TUBB6: variants seen among roughly 807,000 people sequenced by gnomAD.
The protein encoded by TUBB6 is tubulin beta-6 chain.
A neutral mutation model predicts 32.3 loss-of-function variants in TUBB6; 18 were observed. The observed-to-expected ratio is 0.56, with a 90% CI of 0.39 to 0.83. The LOEUF is 0.83. TUBB6 is among the 40% of genes least tolerant of loss of function. The pLI, the probability that TUBB6 is intolerant of heterozygous loss-of-function variation, is 0.00. For synonymous variants in TUBB6, 280 were observed against 265.8 expected (o/e 1.05, Z -0.52); for missense variants, 480 against 632.0 (o/e 0.76, Z 2.58).
Position 12,326,122 on chromosome 18 carries a change from G to T in TUBB6, c.1333G>T (p.Asp445Tyr). 6.2e-7 allele frequency: 1 copy of T among 1,611,502 alleles called. No individual in the cohort carries two copies. The highest frequency in any genetic ancestry group is 8.5e-7 in the Non-Finnish European group (1 of 1,178,572). ...TTTTGAGGATGAGGAAGAGGAGATC[G>T]ATGGATAGTCGGAATAGAGCCGCCC... ...EAFEDEEEEI[D>Y]G The change falls in exon 4 of 4, where the codon GAT becomes TAT. Residue 445 changes from aspartate (D) to tyrosine (Y), a missense_variant. Coordinates refer to ENST00000317702, the MANE Select transcript of TUBB6 (RefSeq NM_032525.3).
intron 3 of TUBB6, among the ~76,000 whole-genome samples, chr18:12,318,917 G>T (rs182910348): frequency 5.9e-5 from 9 of 151,970 alleles, no homozygotes; most frequent in Middle Eastern, 3.4e-3. Flanking sequence ...CCCATAGCTG[G>T]TCTTATACAA....
Position 12,325,563 on chromosome 18 carries a change from G to C in TUBB6, c.774G>C (p.Val258=). The C allele has an allele frequency of 6.2e-7, 1 of 1,614,126 alleles. No homozygotes were observed. The highest frequency in any genetic ancestry group is 8.5e-7 in the Non-Finnish European group (1 of 1,180,034). Residue 258 remains valine, a synonymous_variant, in exon 4 of 4, where the codon GTG becomes GTC. Transcript: ENST00000317702. ...ADLRKLAVNM[V]PFPRLHFFMP... is the part of the protein sequence containing the mutation. Reference sequence around the variant, plus strand: ...TGCGCAAGCTGGCGGTGAACATGGTGCCCTTCCCGCGCCTGCACTTCTTCA... The same window carrying C: ...TGCGCAAGCTGGCGGTGAACATGGTCCCCTTCCCGCGCCTGCACTTCTTCA...
In TUBB6 at chr18:12,322,075, C is replaced by T. The variant is rs987657920; in HGVS notation, c.278-2992C>T. 2.6e-5 allele frequency among the ~76,000 whole-genome samples: 4 copies of T among 151,854 alleles called. No individual in the cohort carries two copies. The East Asian group carries it at 5.8e-4, about 22-fold the overall frequency. ...CAGCACTTTGGGAGGCCGAGGTGGG[C>T]GGATCACTTGAGGTCAGGAGTTCAA... On this transcript the variant is annotated intron_variant, in intron 3 of 3. Coordinates refer to ENST00000317702, the MANE Select transcript of TUBB6 (RefSeq NM_032525.3).
chr18:12,308,836 G>T, intron 2 of TUBB6, 41 bp downstream of exon 2: 1 of 1,353,672 alleles, frequency 7.4e-7, no homozygotes, highest in Non-Finnish European at 1.1e-6. Context: ...GCCGGGACCC[G>T]CGTGGACGCT....
chr18:12,308,502 C>A, intron 1 of TUBB6, 153 bp downstream of exon 1: 1 of 744,000 alleles, frequency 1.3e-6, no homozygotes. Context: ...GGAGGGAGCG[C>A]CCGGGGCGTG....
intron 3 of TUBB6, 159 bp downstream of exon 3, chr18:12,311,212 A>G (rs1906363628): frequency 3.4e-6 from 2 of 596,612 alleles, no homozygotes; most frequent in South Asian, 1.9e-5. Context: ...GTTCATCACA[A>G]GGAACAGTTT....
chr18:12,321,857 G>C (rs898922167), intron 3 of TUBB6, among the ~76,000 whole-genome samples: 1 of 152,122 alleles, frequency 6.6e-6, no homozygotes, highest in Non-Finnish European at 1.5e-5. Flanking sequence ...AAGTATACTG[G>C]AATAAATTGC....
Position 12,325,718 on chromosome 18 carries a change from A to C in TUBB6, c.929A>C (p.Tyr310Ser). 1.2e-6 allele frequency: 2 copies of C among 1,614,210 alleles called. No homozygotes were observed. Among genetic ancestry groups the C allele is most frequent in the Non-Finnish European group, 1.7e-6 (2 of 1,180,044 alleles). Residue 310 changes from tyrosine to serine, a missense_variant, in exon 4 of 4, where the codon TAC becomes TCC. Coordinates refer to ENST00000317702, the MANE Select transcript of TUBB6 (RefSeq NM_032525.3). ...GCCTGCGATCCGCGCCATGGCCGCT[A>C]CCTGACCGTGGCCACCGTGTTCCGC... is the stretch of plus-strand genomic sequence containing the variant. ...MAACDPRHGR[Y>S]LTVATVFRGP...
At position 12,326,286 on chromosome 18, in the gene TUBB6, G is replaced by C; in HGVS notation, c.*156G>C. On this transcript the variant is annotated 3_prime_UTR_variant, in exon 4 of 4. Coordinates refer to ENST00000317702, the MANE Select transcript of TUBB6 (RefSeq NM_032525.3). ...GCCAAGTCATGTAATTAGTCATCTG[G>C]AACAAAGACTAAAAACAGCAGAGAA... 1 of 1,144,090 alleles carries C rather than the reference G, an allele frequency of 8.7e-7. No individual in the cohort carries two copies. Among genetic ancestry groups the C allele is most frequent in the Admixed American group, 2.9e-5 (1 of 34,504 alleles). 70.9% of individuals were successfully genotyped at this position (1,144,090 alleles called of 1,614,324 possible).
upstream of TUBB6, chr18:12,307,691 A>G (rs1906059166): frequency 6.6e-6 from 1 of 152,162 alleles, no homozygotes. Context: ...CCCGGTTCCA[A>G]AGGGGTGGGA....
intron 3 of TUBB6, among the ~76,000 whole-genome samples, chr18:12,321,277 A>G (rs1322126497): frequency 6.6e-6 from 1 of 152,204 alleles, no homozygotes; most frequent in Non-Finnish European, 1.5e-5. Flanking sequence ...ATGAAGAATC[A>G]CAGAATTTGT....
intron 3 of TUBB6, among the ~76,000 whole-genome samples, chr18:12,313,214 A>G (rs1318127482): frequency 1.3e-5 from 2 of 152,200 alleles, no homozygotes; most frequent in South Asian, 2.1e-4. Context: ...CAATTATTCC[A>G]TGTTCTGAAG....
In TUBB6 at chr18:12,325,407, G is replaced by A. The variant is rs1907236674; in HGVS notation, c.618G>A (p.Ala206=). 1 of 1,614,198 alleles carries A rather than the reference G, an allele frequency of 6.2e-7. No homozygotes were observed. The highest frequency in any genetic ancestry group is 8.5e-7 in the Non-Finnish European group (1 of 1,180,036). Residue 206 remains alanine (A), a synonymous_variant, in exon 4 of 4, where the codon GCG becomes GCA. Coordinates refer to ENST00000317702, the MANE Select transcript of TUBB6 (RefSeq NM_032525.3). ...TDETYCIDNE[A]LYDICFRTLK... ...AGACCTACTGCATCGACAACGAGGC[G>A]CTCTATGACATCTGCTTCCGCACTC...
At chr18:12,316,256 A>C (rs1426833190) in intron 3 of TUBB6, among the ~76,000 whole-genome samples, 2 of 152,236 alleles carry the variant, frequency 1.3e-5, no homozygotes, top group African/African-American at 4.8e-5. Context: ...CCACTTTAGC[A>C]ATTGTGAGTT....
chr18:12,310,771 G>A (rs886993508), intron 2 of TUBB6, among the ~76,000 whole-genome samples, 172 bp from the exon 3 acceptor site: 1 of 152,208 alleles, frequency 6.6e-6, no homozygotes, highest in Non-Finnish European at 1.5e-5. Flanking sequence ...TTACAGGGAT[G>A]AGCCAGTGCG....
chr18:12,325,692 C>T lies in TUBB6; in HGVS notation c.903C>T (p.Ala301=), dbSNP rs202133911. ...QQMFDARNMM[A]ACDPRHGRYL... is the part of the protein sequence containing the mutation. ...TGTTCGACGCCAGGAACATGATGGC[C>T]GCCTGCGATCCGCGCCATGGCCGCT... is the stretch of plus-strand genomic sequence containing the variant. Residue 301 remains alanine, a synonymous_variant, in exon 4 of 4, where the codon GCC becomes GCT. Coordinates refer to ENST00000317702, the MANE Select transcript of TUBB6 (RefSeq NM_032525.3). 1.2e-6 allele frequency: 2 copies of T among 1,614,068 alleles called. No homozygotes were observed. Among genetic ancestry groups the T allele is most frequent in the East Asian group, 2.2e-5 (1 of 44,874 alleles).
rs754926763 is a variant in TUBB6, at chr18:12,308,282, C to T, written c.-11C>T. ...CGCAGAGCCAGTTCCTAGCGCAGAGCCGCGCCCGCCATGAGGGAGATCGTG... is the reference window on the plus strand; with the variant it reads ...CGCAGAGCCAGTTCCTAGCGCAGAGTCGCGCCCGCCATGAGGGAGATCGTG... On this transcript the variant is annotated 5_prime_UTR_variant, in exon 1 of 4. Transcript: ENST00000317702. 5.5e-6 allele frequency: 8 copies of T among 1,442,668 alleles called. No individual in the cohort carries two copies. The highest frequency in any genetic ancestry group is 1.4e-5 in the South Asian group (1 of 73,868). 89.4% of individuals were successfully genotyped at this position (1,442,668 alleles called of 1,614,324 possible).
chr18:12,317,019 C>T (rs765639273), intron 3 of TUBB6, among the ~76,000 whole-genome samples: 1 of 151,908 alleles, frequency 6.6e-6, no homozygotes, highest in Non-Finnish European at 1.5e-5. Flanking sequence ...ATTAGCCAGG[C>T]GTGATGAGTG....
At chr18:12,310,307 G>A (rs1906297516) in intron 2 of TUBB6, among the ~76,000 whole-genome samples, 1 of 151,846 alleles carries the variant, frequency 6.6e-6, no homozygotes, top group Admixed American at 6.6e-5. Context: ...GGCTAACACG[G>A]TGAAACCCCA....
Sources: gnomAD v4.1 joint callset for allele counts (sites outside exome capture counted in the v4.1 genomes callset) on GRCh38, gnomAD v4.1.1 for gene constraint, MANE v1.5 for transcripts, NCBI Gene and HGNC (gene_info 2026-07-23, HGNC 2026-07-21) for gene names.